COLGALT1: variants seen among roughly 807,000 people sequenced by gnomAD.
COLGALT1 encodes collagen beta(1-O)galactosyltransferase 1, also known as procollagen galactosyltransferase 1.
COLGALT1 carries 43 observed loss-of-function variants against 60.8 expected under a neutral mutation model. The observed-to-expected ratio is 0.71, with a 90% confidence interval of 0.55 to 0.91. The LOEUF (loss-of-function observed/expected upper bound fraction) is 0.91, where lower values mean the gene tolerates loss of function less well. COLGALT1 is among the 40% of genes least tolerant of loss of function. COLGALT1 has a pLI of 0.00. For missense variants in COLGALT1, 845 were observed against 880.0 expected (o/e 0.96, Z 0.50); for synonymous variants, 369 against 374.2 (o/e 0.99, Z 0.16).
In COLGALT1 at chr19:17,555,798, G is replaced by A; in HGVS notation, c.85G>A (p.Gly29Arg). The part of the protein sequence containing the change: ...LLLLLAPLPP[G>R]APPGADAYFP... The stretch of plus-strand genomic sequence containing the variant: ...TCTGCTGCTGGCGCCACTGCCGCCG[G>A]GGGCCCCGCCGGGCGCCGACGCCTA... Residue 29 changes from glycine (G) to arginine (R), a missense_variant, in exon 1 of 12, where the codon GGG becomes AGG. Gly to Arg is a moderately radical substitution (Grantham distance 125). Coordinates refer to ENST00000252599, the MANE Select transcript of COLGALT1 (RefSeq NM_024656.4). The A allele has an allele frequency of 8.0e-7, 1 of 1,249,996 alleles. No individual in the cohort carries two copies. Among genetic ancestry groups the A allele is most frequent in the Admixed American group, 4.1e-5 (1 of 24,110 alleles). 77.4% of individuals were successfully genotyped at this position (1,249,996 alleles called of 1,614,324 possible). A position where few individuals can be genotyped will look rare whatever the true frequency, so the allele number is the denominator to read the frequency against.
In COLGALT1 at chr19:17,559,340, C is replaced by G; in HGVS notation, c.290C>G (p.Thr97Arg). Residue 97 changes from threonine to arginine, a missense_variant, in exon 2 of 12, where the codon ACG becomes AGG. Coordinates refer to ENST00000252599, the MANE Select transcript of COLGALT1 (RefSeq NM_024656.4). The part of the protein sequence containing the change: ...WVATDHNMDN[T>R]STVLREWLVA... ...GCTACGGACCACAACATGGATAACA[C>G]GTCAACTGTGCTGCGGGAGTGGCTG... The G allele has an allele frequency of 6.4e-7, 1 of 1,552,514 alleles. No individual in the cohort carries two copies. The highest frequency in any genetic ancestry group is 8.7e-7 in the Non-Finnish European group (1 of 1,147,400).
chr19:17,577,834 G>A, intron 8 of COLGALT1, 123 bp from the exon 9 acceptor site: 1 of 1,319,498 alleles, frequency 7.6e-7, no homozygotes, highest in Non-Finnish European at 1.0e-6. Context: ...GCCCGGAAGG[G>A]GTGCCAGTGC....
At chr19:17,559,088 A>G (rs1001467833) in intron 1 of COLGALT1, among the ~76,000 whole-genome samples, 12 of 151,976 alleles carry the variant, frequency 7.9e-5, no homozygotes, top group African/African-American at 2.7e-4. Context: ...TGAACCCGGG[A>G]GGCGGAGCTT....
intron 1 of COLGALT1, chr19:17,556,461 C>G: frequency 1.2e-6 from 1 of 856,594 alleles, no homozygotes; most frequent in Non-Finnish European, 1.4e-6. Flanking sequence ...CAGCCTGGCT[C>G]CAGGCCCCAG....
At chr19:17,561,886 G>GT (rs2076251894) in intron 3 of COLGALT1, among the ~76,000 whole-genome samples, 1 of 151,782 alleles carries the variant, frequency 6.6e-6, no homozygotes, top group African/African-American at 2.4e-5. Context: ...CTTTTTTCTT[G>GT]TTTTTTGAGA....
chr19:17,569,873 A>T (rs906332249), intron 5 of COLGALT1, among the ~76,000 whole-genome samples: 1 of 148,780 alleles, frequency 6.7e-6, no homozygotes, highest in Non-Finnish European at 1.5e-5. Context: ...CTGCAGGCCA[A>T]ACCTGGCCCA....
intron 1 of COLGALT1, chr19:17,556,448 A>C (rs2076212148): frequency 1.4e-6 from 1 of 720,128 alleles, no homozygotes. Flanking sequence ...TTAAGCTTGA[A>C]CTCAGCCTGG....
chr19:17,556,048 C>G, intron 1 of COLGALT1, 75 bp downstream of exon 1: 1 of 1,253,766 alleles, frequency 8.0e-7, no homozygotes, highest in Non-Finnish European at 1.0e-6. Context: ...GGTGGGTCCA[C>G]GCGAGCCCCT....
At chr19:17,578,124 G>A (rs767737730) in intron 9 of COLGALT1, 35 bp downstream of exon 9, 2 of 1,569,078 alleles carry the variant, frequency 1.3e-6, no homozygotes, top group Non-Finnish European at 1.7e-6. Context: ...CCAGAGTTAT[G>A]ACTCTAGATC....
In COLGALT1 at chr19:17,581,552, T is replaced by C. The variant is rs965846834; in HGVS notation, c.*108T>C. On this transcript the variant is annotated 3_prime_UTR_variant, in exon 12 of 12. Coordinates refer to ENST00000252599, the MANE Select transcript of COLGALT1 (RefSeq NM_024656.4). ...CCCCTTGGCAGGCCACAGAGGGCTCTCGTGTGGGGTGGTGTCCAGCCAGCT... is the reference window on the plus strand; with the variant it reads ...CCCCTTGGCAGGCCACAGAGGGCTCCCGTGTGGGGTGGTGTCCAGCCAGCT... The C allele has an allele frequency of 1.4e-6, 2 of 1,397,506 alleles. No homozygotes were observed. Among genetic ancestry groups the C allele is most frequent in the African/African-American group, 1.4e-5 (1 of 69,256 alleles). The allele number at this position is 1,397,506 out of a possible 1,614,324, so 86.6% of individuals were successfully genotyped here.
In COLGALT1 at chr19:17,578,240, C is replaced by T. The variant is rs115289031; in HGVS notation, c.1266+151C>T. 2,505 of 764,368 alleles carry T rather than the reference C, an allele frequency of 3.3e-3. 49 individuals are homozygous for T. In the African/African-American group the frequency reaches 0.04, roughly 12 times the overall value. The allele number at this position is 764,368 out of a possible 1,614,324, so 47.3% of individuals were successfully genotyped here. Reference sequence around the variant, plus strand: ...CATGGCCTCTCTTTAGTGAATGATGCGCCACACCAGCTGTATCACCCCCAG... The same window carrying T: ...CATGGCCTCTCTTTAGTGAATGATGTGCCACACCAGCTGTATCACCCCCAG... On this transcript the variant is annotated intron_variant, in intron 9 of 11. Transcript: ENST00000252599.
At chr19:17,576,741 G>T (rs912267157) in intron 6 of COLGALT1, among the ~76,000 whole-genome samples, 2 of 150,490 alleles carry the variant, frequency 1.3e-5, no homozygotes, top group African/African-American at 4.9e-5. Context: ...GGCAAGGCTG[G>T]GGGAGGCTGT....
rs1167848918 is a variant in COLGALT1, at chr19:17,578,100, A to T, written c.1266+11A>T. 1 of 1,590,454 alleles carries T rather than the reference A, an allele frequency of 6.3e-7. No homozygotes were observed. Among genetic ancestry groups the T allele is most frequent in the Non-Finnish European group, 8.6e-7 (1 of 1,167,236 alleles). On this transcript the variant is annotated intron_variant, in intron 9 of 11. Transcript: ENST00000252599. ...AACATCTGGAAGGAGGTGTGTCCTG[A>T]GTGATGGGCGGGGCCAGAGTTATGA...
chr19:17,574,063 A>C (rs2076327308), intron 6 of COLGALT1, among the ~76,000 whole-genome samples: 1 of 152,224 alleles, frequency 6.6e-6, no homozygotes, highest in African/African-American at 2.4e-5. Flanking sequence ...AGGAGCACGC[A>C]GGGCTGAGCT....
intron 6 of COLGALT1, among the ~76,000 whole-genome samples, chr19:17,574,609 C>T (rs945693610): frequency 6.6e-6 from 1 of 152,096 alleles, no homozygotes; most frequent in South Asian, 2.1e-4. Flanking sequence ...GGATTACAGG[C>T]GTGTGTCACT....
At chr19:17,566,929 C>T (rs974897575) in intron 3 of COLGALT1, among the ~76,000 whole-genome samples, 1 of 152,140 alleles carries the variant, frequency 6.6e-6, no homozygotes, top group Non-Finnish European at 1.5e-5. Context: ...GCCTGGCCAA[C>T]ATGATGGTAC....
chr19:17,562,516 G>T (rs1288388971), intron 3 of COLGALT1, among the ~76,000 whole-genome samples: 1 of 152,118 alleles, frequency 6.6e-6, no homozygotes. Flanking sequence ...ATAAACATTA[G>T]CTTGGCATGG....
At chr19:17,557,940 AT>A (rs1349881332) in intron 1 of COLGALT1, among the ~76,000 whole-genome samples, 1 of 151,076 alleles carries the variant, frequency 6.6e-6, no homozygotes, top group East Asian at 2.0e-4. Context: ...AATATTTTTT[AT>A]TTATTTATTT....
chr19:17,581,493 C>T lies in COLGALT1; in HGVS notation c.*49C>T, dbSNP rs376326151. ...GCAGCCATCGGTGGCCCAGGCTCCA[C>T]GTGCTTACTGAGGACATCAGGTCCA... On this transcript the variant is annotated 3_prime_UTR_variant, in exon 12 of 12. Coordinates refer to ENST00000252599, the MANE Select transcript of COLGALT1 (RefSeq NM_024656.4). 86 of 1,571,228 alleles carry T rather than the reference C, an allele frequency of 5.5e-5. No individual in the cohort carries two copies. Among genetic ancestry groups the T allele is most frequent in the African/African-American group, 3.1e-4 (23 of 74,504 alleles).
Sources: gnomAD v4.1 joint callset for allele counts (sites outside exome capture counted in the v4.1 genomes callset) on GRCh38, gnomAD v4.1.1 for gene constraint, MANE v1.5 for transcripts, NCBI Gene and HGNC (gene_info 2026-07-23, HGNC 2026-07-21) for gene names.